KAZN: variants seen among roughly 807,000 people sequenced by gnomAD.
KAZN encodes kazrin.
A neutral mutation model predicts 87.4 loss-of-function variants in KAZN; 40 were observed. That is an observed-to-expected ratio of 0.46 (90% CI 0.36 to 0.60). KAZN has a LOEUF of 0.60. Ranked by LOEUF, KAZN falls within the 20% of genes least tolerant of loss-of-function variation. The pLI is 0.00. For missense variants in KAZN, 898 were observed against 1,073.9 expected, an observed-to-expected ratio of 0.84 and a Z score of 2.29; for synonymous variants, 466 against 458.3, an observed-to-expected ratio of 1.02 and a Z score of -0.22.
chr1:14,989,551 G>A (rs1470227281), intron 2 of KAZN, among the ~76,000 whole-genome samples: 5 of 152,222 alleles, frequency 3.3e-5, no homozygotes, highest in African/African-American at 7.2e-5. Flanking sequence ...GATGGAGGCA[G>A]TACATTGGAG....
intron 8 of KAZN, among the ~76,000 whole-genome samples, chr1:15,072,881 A>C (rs1212784935): frequency 6.6e-6 from 1 of 152,140 alleles, no homozygotes; most frequent in African/African-American, 2.4e-5. Flanking sequence ...AGAACATCAG[A>C]ATGCAAGCCT....
chr1:14,954,193 C>A (rs1163350934), intron 1 of KAZN, among the ~76,000 whole-genome samples: 1 of 152,200 alleles, frequency 6.6e-6, no homozygotes, highest in Non-Finnish European at 1.5e-5. Flanking sequence ...GGCAGGAGGG[C>A]CACCGTTTCC....
chr1:13,963,011 A>G (rs1029628830), intron 1 of KAZN, among the ~76,000 whole-genome samples: 2 of 152,076 alleles, frequency 1.3e-5, no homozygotes, highest in African/African-American at 2.4e-5. Flanking sequence ...AAAGAGACAA[A>G]TTGGGGCCAG....
chr1:14,202,814 C>T (rs558497939), intron 2 of KAZN, among the ~76,000 whole-genome samples: 3 of 152,010 alleles, frequency 2.0e-5, no homozygotes, highest in South Asian at 2.1e-4. Flanking sequence ...ATCAGGAGAT[C>T]GAGACCAGCC....
At chr1:14,437,104 G>C (rs544876306) in intron 2 of KAZN, among the ~76,000 whole-genome samples, 1 of 152,300 alleles carries the variant, frequency 6.6e-6, no homozygotes, top group African/African-American at 2.4e-5. Flanking sequence ...AAACACTGAA[G>C]TTCCCTTGAT....
In KAZN at chr1:15,094,284, A is replaced by G. The variant is rs779294552; in HGVS notation, c.1327A>G (p.Met443Val). The G allele has an allele frequency of 1.2e-5, 19 of 1,613,850 alleles. No individual in the cohort carries two copies. In the South Asian group the frequency reaches 2.1e-4, roughly 18 times the overall value. The change falls in exon 9 of 15, where the codon ATG becomes GTG. Residue 443 changes from methionine to valine, a missense_variant. Transcript: ENST00000376030. The surrounding 1 kb of genome is among the most constrained non-coding windows in gnomAD (Gnocchi z 4.5). Reference sequence around the variant, plus strand: ...GGTGGAGCTGGTGAGGACCACCCCTATGTCCCACTGGAAGGCGGGCACCGT... The same window carrying G: ...GGTGGAGCTGGTGAGGACCACCCCTGTGTCCCACTGGAAGGCGGGCACCGT... ...QQVELVRTTP[M>V]SHWKAGTVQA... is the part of the protein sequence containing the mutation.
chr1:14,967,315 CT>C (rs1445425068), intron 2 of KAZN, among the ~76,000 whole-genome samples: 1 of 152,154 alleles, frequency 6.6e-6, no homozygotes, highest in Non-Finnish European at 1.5e-5. Context: ...CCCTCAAGGT[CT>C]CTGCATTTGT....
chr1:14,552,197 G>A lies in KAZN; in HGVS notation c.250-46786G>A, dbSNP rs115206482. On this transcript the variant is annotated intron_variant, in intron 2 of 16. Transcript: ENST00000636203. ...GAAGCAGAGCAGGGTTTCTGAGAAC[G>A]GGCAGCATCTCTCCCTTTGCCACCA... 5.3e-3 allele frequency among the ~76,000 whole-genome samples: 804 copies of A among 152,248 alleles called. 8 individuals are homozygous for A. The highest frequency in any genetic ancestry group is 0.018 in the African/African-American group (732 of 41,528).
chr1:14,155,990 C>T (rs971687958), intron 1 of KAZN, among the ~76,000 whole-genome samples: 5 of 152,116 alleles, frequency 3.3e-5, no homozygotes, highest in African/African-American at 1.2e-4. Context: ...AAACTTCCCT[C>T]TTAGTACTAC....
At chr1:14,819,670 C>T (rs992019034) in intron 1 of KAZN, among the ~76,000 whole-genome samples, 1 of 151,688 alleles carries the variant, frequency 6.6e-6, no homozygotes, top group African/African-American at 2.4e-5. Flanking sequence ...TTGCGAGTCC[C>T]CACCATCATG....
chr1:14,453,225 G>T (rs984844559), intron 2 of KAZN, among the ~76,000 whole-genome samples: 1 of 152,056 alleles, frequency 6.6e-6, no homozygotes, highest in African/African-American at 2.4e-5. Flanking sequence ...AAAGTGCTGG[G>T]ATTACAGGCG....
chr1:14,721,167 T>G (rs1417742694), intron 1 of KAZN, among the ~76,000 whole-genome samples: 1 of 152,202 alleles, frequency 6.6e-6, no homozygotes, highest in Non-Finnish European at 1.5e-5. Context: ...CGTCTTGAAT[T>G]GTGGTTCCCA....
At chr1:14,420,078 T>C (rs1046310083) in intron 2 of KAZN, among the ~76,000 whole-genome samples, 1 of 152,058 alleles carries the variant, frequency 6.6e-6, no homozygotes, top group African/African-American at 2.4e-5. Flanking sequence ...TTACAGAGAG[T>C]TGATTGGTCC....
intron 1 of KAZN, among the ~76,000 whole-genome samples, chr1:14,142,941 A>G (rs1175447689): frequency 6.6e-6 from 1 of 151,964 alleles, no homozygotes; most frequent in Non-Finnish European, 1.5e-5. Flanking sequence ...TTCCTGCTGG[A>G]CGGCCACCAT....
At chr1:15,006,971 A>T (rs1669073870) in intron 2 of KAZN, among the ~76,000 whole-genome samples, 1 of 143,160 alleles carries the variant, frequency 7.0e-6, no homozygotes, top group African/African-American at 2.6e-5. Context: ...GCAGGAGAAT[A>T]GTGTGAACCT....
At chr1:14,364,936 TCTGA>T (rs1414666238) in intron 2 of KAZN, among the ~76,000 whole-genome samples, 5 of 152,166 alleles carry the variant, frequency 3.3e-5, no homozygotes, top group African/African-American at 7.2e-5. Flanking sequence ...AGAGAGAGGT[TCTGA>T]CTATGTTGGC....
chr1:14,861,867 G>A (rs949125622), intron 1 of KAZN, among the ~76,000 whole-genome samples: 10 of 152,326 alleles, frequency 6.6e-5, no homozygotes, highest in African/African-American at 1.4e-4. Context: ...GGAGAGAGCC[G>A]ATCTGAGCAG....
intron 2 of KAZN, among the ~76,000 whole-genome samples, chr1:14,198,890 A>G (rs578245277): frequency 9.9e-5 from 15 of 152,280 alleles, no homozygotes; most frequent in Middle Eastern, 3.4e-3. Context: ...TCACCCAGCC[A>G]GTAGGTGGCA....
intron 1 of KAZN, among the ~76,000 whole-genome samples, chr1:14,817,351 G>T (rs1009972316): frequency 5.3e-5 from 8 of 152,180 alleles, no homozygotes; most frequent in Non-Finnish European, 7.3e-5. Flanking sequence ...TAGTCATTCA[G>T]TCATTCAACA....
Sources: gnomAD v4.1 joint callset for allele counts (sites outside exome capture counted in the v4.1 genomes callset) on GRCh38, gnomAD v4.1.1 for gene constraint, Gnocchi (gnomAD v3.1) non-coding constraint, MANE v1.5 for transcripts, NCBI Gene and HGNC (gene_info 2026-07-23, HGNC 2026-07-21) for gene names.